RABL3: variants seen among roughly 807,000 people sequenced by gnomAD.
The protein encoded by RABL3 is rab-like protein 3.
RABL3 carries 31 observed loss-of-function variants against 31.8 expected under a neutral mutation model. The ratio of observed to expected loss-of-function variants is 0.97; its 90% CI spans 0.73 to 1.31. The LOEUF is 1.31. Among genes scored for constraint, RABL3 ranks in the 40% most tolerant of loss-of-function variants. RABL3 has a pLI of 0.00. For missense variants in RABL3, 263 were observed against 279.6 expected (o/e 0.94, Z 0.42); for synonymous variants, 97 against 99.9 (o/e 0.97, Z 0.18).
chr3:120,729,676 T>C (rs371620236), intron 2 of RABL3, among the ~76,000 whole-genome samples: 2 of 152,086 alleles, frequency 1.3e-5, no homozygotes, highest in East Asian at 1.9e-4. Context: ...AAAAACTGTA[T>C]AGATATATTA....
chr3:120,686,054 C>T lies in RABL3; in HGVS notation c.*3769G>A, dbSNP rs1325549497. ...TGCTATGGAGCAGCCCCAGCTGACC[C>T]TAACATCAGATATTTTGTGTAGGCA... On this transcript the variant is annotated 3_prime_UTR_variant, in exon 8 of 8. Coordinates refer to ENST00000273375, the MANE Select transcript of RABL3 (RefSeq NM_173825.5). 6.6e-6 allele frequency among the ~76,000 whole-genome samples: 1 copy of T among 152,158 alleles called. No homozygotes were observed. The highest frequency in any genetic ancestry group is 6.5e-5 in the Admixed American group (1 of 15,276).
chr3:120,724,237 T>G (rs1404179441), intron 2 of RABL3, among the ~76,000 whole-genome samples: 1 of 152,138 alleles, frequency 6.6e-6, no homozygotes, highest in African/African-American at 2.4e-5. Context: ...GAATCCAACT[T>G]ACAAGGGATG....
intron 1 of RABL3, chr3:120,738,414 G>C (rs1708998990): frequency 6.6e-6 from 1 of 152,420 alleles, no homozygotes; most frequent in Non-Finnish European, 1.5e-5. Context: ...GCTTCCCTTG[G>C]CTAGGAAAGG....
intron 3 of RABL3, among the ~76,000 whole-genome samples, chr3:120,708,089 T>C (rs1185584261): frequency 6.6e-6 from 1 of 152,084 alleles, no homozygotes; most frequent in Non-Finnish European, 1.5e-5. Flanking sequence ...GAGTGATCCT[T>C]ATGTTCAGTT....
chr3:120,704,219 G>C (rs1708524124), intron 4 of RABL3, among the ~76,000 whole-genome samples: 1 of 152,152 alleles, frequency 6.6e-6, no homozygotes, highest in African/African-American at 2.4e-5. Flanking sequence ...CCAAGGAATG[G>C]AAGGCTGGTT....
intron 4 of RABL3, among the ~76,000 whole-genome samples, chr3:120,700,540 G>A (rs1287501980): frequency 1.3e-5 from 2 of 151,954 alleles, no homozygotes; most frequent in Non-Finnish European, 2.9e-5. Context: ...ACCTTATTTA[G>A]ATACTATTTC....
chr3:120,740,814 C>T (rs915547175), intron 1 of RABL3, among the ~76,000 whole-genome samples: 9 of 152,216 alleles, frequency 5.9e-5, no homozygotes, highest in Admixed American at 2.6e-4. Flanking sequence ...ACATCAATCA[C>T]TTTCCTGGCC....
At chr3:120,717,182 G>C (rs1708680611) in intron 2 of RABL3, among the ~76,000 whole-genome samples, 2 of 151,888 alleles carry the variant, frequency 1.3e-5, no homozygotes, top group Non-Finnish European at 2.9e-5. Flanking sequence ...CTTGAACCTG[G>C]GAGGTGGAGG....
At chr3:120,711,425 T>C (rs1434960622) in intron 2 of RABL3, among the ~76,000 whole-genome samples, 1 of 152,130 alleles carries the variant, frequency 6.6e-6, no homozygotes. Flanking sequence ...AAAGTCTCTA[T>C]CTCCTTGCCT....
At chr3:120,735,073 A>G (rs1008632059) in intron 1 of RABL3, among the ~76,000 whole-genome samples, 4 of 152,124 alleles carry the variant, frequency 2.6e-5, no homozygotes, top group Non-Finnish European at 5.9e-5. Flanking sequence ...TGAGTTAGGG[A>G]GGGTTCCCTC....
intron 2 of RABL3, among the ~76,000 whole-genome samples, chr3:120,717,116 C>T (rs140679968): frequency 0.017 from 2,543 of 151,968 alleles, 33 homozygotes; most frequent in Middle Eastern, 0.027. Context: ...TTTAGCCAGG[C>T]GTGGTGGTGG....
intron 1 of RABL3, among the ~76,000 whole-genome samples, chr3:120,739,407 T>A (rs527923956): frequency 6.6e-6 from 1 of 152,046 alleles, no homozygotes; most frequent in East Asian, 1.9e-4. Flanking sequence ...GAGTGACAGC[T>A]TGCTTTAGTC....
chr3:120,735,521 G>A (rs1197977940), intron 1 of RABL3, among the ~76,000 whole-genome samples: 4 of 151,996 alleles, frequency 2.6e-5, no homozygotes, highest in Non-Finnish European at 5.9e-5. Flanking sequence ...ATTTTTTGAA[G>A]GGTTTTTTGT....
intron 1 of RABL3, among the ~76,000 whole-genome samples, chr3:120,734,105 G>C (rs963441533): frequency 6.6e-6 from 1 of 152,116 alleles, no homozygotes; most frequent in Non-Finnish European, 1.5e-5. Flanking sequence ...AGCTTGATGG[G>C]GATGGCATTG....
intron 2 of RABL3, 78 bp downstream of exon 2, chr3:120,730,618 T>A (rs1332457294): frequency 2.1e-6 from 2 of 954,150 alleles, no homozygotes; most frequent in Non-Finnish European, 3.3e-6. Flanking sequence ...TTGACCATAG[T>A]ACTGTAATTT....
chr3:120,692,821 GAACT>G (rs1444029142), intron 6 of RABL3, among the ~76,000 whole-genome samples: 1 of 151,920 alleles, frequency 6.6e-6, no homozygotes, highest in East Asian at 1.9e-4. Flanking sequence ...TTTAATTTTA[GAACT>G]AATAAAATTT....
chr3:120,742,060 C>T (rs1314848945), intron 1 of RABL3, among the ~76,000 whole-genome samples: 11 of 151,846 alleles, frequency 7.2e-5, no homozygotes. Flanking sequence ...TCTCAGTGCA[C>T]GTTTGACTTC....
chr3:120,710,081 ATAGT>A (rs1347944248), intron 2 of RABL3, among the ~76,000 whole-genome samples, 172 bp from the exon 3 acceptor site: 1 of 152,074 alleles, frequency 6.6e-6, no homozygotes, highest in East Asian at 1.9e-4. Context: ...AGAGGACCTT[ATAGT>A]TAATTAATCT....
intron 4 of RABL3, among the ~76,000 whole-genome samples, chr3:120,705,734 C>T (rs1160617409): frequency 6.6e-6 from 1 of 152,052 alleles, no homozygotes; most frequent in Non-Finnish European, 1.5e-5. Flanking sequence ...TAGAGGAAAA[C>T]ATAAGAGAAA....
Sources: gnomAD v4.1 joint callset for allele counts (sites outside exome capture counted in the v4.1 genomes callset) on GRCh38, gnomAD v4.1.1 for gene constraint, MANE v1.5 for transcripts, NCBI Gene and HGNC (gene_info 2026-07-23, HGNC 2026-07-21) for gene names.